The following PSMD7 variants were observed in gnomAD, a reference collection of about 807,000 sequenced individuals.
The protein encoded by PSMD7 is 26S proteasome non-ATPase regulatory subunit 7.
PSMD7 carries 13 observed loss-of-function variants against 36.4 expected under a neutral mutation model. The ratio of observed to expected loss-of-function variants is 0.36; its 90% CI spans 0.23 to 0.57. The LOEUF (loss-of-function observed/expected upper bound fraction) is 0.57, where lower values mean the gene tolerates loss of function less well. Ranked by LOEUF, PSMD7 falls within the 20% of genes least tolerant of loss-of-function variation. PSMD7 has a pLI of 0.83. For synonymous variants in PSMD7, 186 were observed against 151.0 expected (o/e 1.23, Z -1.70); for missense variants, 298 against 393.6 (o/e 0.76, Z 2.06).
chr16:74,297,538 G>A (rs1032007135), intron 1 of PSMD7, among the ~76,000 whole-genome samples: 2 of 151,924 alleles, frequency 1.3e-5, no homozygotes, highest in Non-Finnish European at 2.9e-5. Context: ...TGGGTGGGGC[G>A]GAGTGGGCTA....
intron 1 of PSMD7, chr16:74,299,606 C>G (rs1354825300): frequency 6.6e-6 from 3 of 453,580 alleles, no homozygotes; most frequent in African/African-American, 6.0e-5. Flanking sequence ...GCTGCCCATG[C>G]TCGTCTCAAA....
chr16:74,300,678 C>T (rs1785530920), intron 2 of PSMD7, among the ~76,000 whole-genome samples: 1 of 152,184 alleles, frequency 6.6e-6, no homozygotes, highest in South Asian at 2.1e-4. Context: ...TACTGGATGA[C>T]CTCTGGAGTA....
chr16:74,305,537 T>C lies in PSMD7; in HGVS notation c.779T>C (p.Val260Ala), dbSNP rs2034189019. Reference protein sequence around the residue: ...YLKTNDQMVVVYLASLIRSVV... With the variant: ...YLKTNDQMVVAYLASLIRSVV... ...AAGACCAATGACCAGATGGTGGTAG[T>C]GTACTTGGCCTCGCTGATCCGTTCC... Residue 260 changes from valine (V) to alanine (A), a missense_variant, in exon 7 of 7, where the codon GTG becomes GCG. Physicochemically the swap from Val to Ala is moderately conservative, Grantham distance 64. Coordinates refer to ENST00000219313, the MANE Select transcript of PSMD7 (RefSeq NM_002811.5). 6.2e-7 allele frequency: 1 copy of C among 1,614,040 alleles called. No individual in the cohort carries two copies. Among genetic ancestry groups the C allele is most frequent in the Non-Finnish European group, 8.5e-7 (1 of 1,179,990 alleles).
In PSMD7 at chr16:74,305,876, T is replaced by G; in HGVS notation, c.*143T>G. 1.0e-6 allele frequency: 1 copy of G among 967,384 alleles called. No homozygotes were observed. The highest frequency in any genetic ancestry group is 1.4e-6 in the Non-Finnish European group (1 of 716,618). The allele number at this position is 967,384 out of a possible 1,614,324, so 59.9% of individuals were successfully genotyped here. A position where few individuals can be genotyped will look rare whatever the true frequency, so the allele number is the denominator to read the frequency against. ...GCTCTCTGCCTCCGGTCACTCTTGCTGTGGTGCTACGTGGAAGTGAATGGA... is the reference window on the plus strand; with the variant it reads ...GCTCTCTGCCTCCGGTCACTCTTGCGGTGGTGCTACGTGGAAGTGAATGGA... On this transcript the variant is annotated 3_prime_UTR_variant, in exon 7 of 7. Transcript: ENST00000219313.
At position 74,305,456 on chromosome 16, in the gene PSMD7, T is replaced by C. The variant is rs780572957; in HGVS notation, c.698T>C (p.Val233Ala). ...NHQIIYQLQD[V>A]FNLLPDVSLQ... Reference sequence around the variant, plus strand: ...CAGATCATCTACCAGCTGCAGGACGTCTTCAACCTGCTGCCAGATGTCAGC... The same window carrying C: ...CAGATCATCTACCAGCTGCAGGACGCCTTCAACCTGCTGCCAGATGTCAGC... Residue 233 changes from valine to alanine, a missense_variant, in exon 7 of 7, where the codon GTC becomes GCC. Coordinates refer to ENST00000219313, the MANE Select transcript of PSMD7 (RefSeq NM_002811.5). 1 of 1,614,136 alleles carries C rather than the reference T, an allele frequency of 6.2e-7. No individual in the cohort carries two copies. The highest frequency in any genetic ancestry group is 8.5e-7 in the Non-Finnish European group (1 of 1,180,004).
At chr16:74,304,430 C>A in intron 6 of PSMD7, 36 bp downstream of exon 6, 2 of 1,562,140 alleles carry the variant, frequency 1.3e-6, no homozygotes, top group Non-Finnish European at 1.8e-6. Flanking sequence ...TCATTCACTG[C>A]CCGAGAGGTC....
chr16:74,297,027 G>C (rs767206181), intron 1 of PSMD7, 39 bp downstream of exon 1: 1 of 1,592,322 alleles, frequency 6.3e-7, no homozygotes, highest in Non-Finnish European at 8.6e-7. Context: ...CGGCGCAGCC[G>C]CTGCTGAGTC....
At position 74,306,262 on chromosome 16, in the gene PSMD7, G is replaced by GAT. The variant is rs1232064201; in HGVS notation, c.*531_*532dup. The GAT allele has an allele frequency of 6.6e-6, 1 of 152,630 alleles. No homozygotes were observed. Among genetic ancestry groups the GAT allele is most frequent in the Non-Finnish European group, 1.5e-5 (1 of 68,054 alleles). 9.5% of individuals were successfully genotyped at this position (152,630 alleles called of 1,614,324 possible). A position where few individuals can be genotyped will look rare whatever the true frequency, so the allele number is the denominator to read the frequency against. ...GCTCCATATATTGTTTACCTTCAAA[G>GAT]ATACAATTAAATGGCTTGATTTTTA... is the stretch of plus-strand genomic sequence containing the variant. On this transcript the variant is annotated 3_prime_UTR_variant, in exon 7 of 7. Coordinates refer to ENST00000219313, the MANE Select transcript of PSMD7 (RefSeq NM_002811.5).
chr16:74,305,808 C>A lies in PSMD7; in HGVS notation c.*75C>A. ...TAAATCAGTGTGCTGCTAGAGGGTT[C>A]TTTTTCACTTGACATGCTTATTAGA... On this transcript the variant is annotated 3_prime_UTR_variant, in exon 7 of 7. Coordinates refer to ENST00000219313, the MANE Select transcript of PSMD7 (RefSeq NM_002811.5). The A allele has an allele frequency of 7.3e-7, 1 of 1,367,562 alleles. No homozygotes were observed. Among genetic ancestry groups the A allele is most frequent in the South Asian group, 2.0e-5 (1 of 50,282 alleles). 84.7% of individuals were successfully genotyped at this position (1,367,562 alleles called of 1,614,324 possible). A position where few individuals can be genotyped will look rare whatever the true frequency, so the allele number is the denominator to read the frequency against.
At chr16:74,300,044 T>C in intron 1 of PSMD7, 71 bp from the exon 2 acceptor site, 1 of 1,299,718 alleles carries the variant, frequency 7.7e-7, no homozygotes, top group South Asian at 1.2e-5. Flanking sequence ...TATTTCCCAT[T>C]GAGTATCTTA....
Position 74,296,905 on chromosome 16 carries a change from G to C in PSMD7, c.-10G>C. ...CAGGGAGCCAGGCCTGGCGAGCGGG[G>C]TGTGTCGCGATGCCGGAGCTGGCAG... On this transcript the variant is annotated 5_prime_UTR_variant, in exon 1 of 7. Coordinates refer to ENST00000219313, the MANE Select transcript of PSMD7 (RefSeq NM_002811.5). 3 of 1,613,058 alleles carry C rather than the reference G, an allele frequency of 1.9e-6. No individual in the cohort carries two copies. The highest frequency in any genetic ancestry group is 1.1e-5 in the South Asian group (1 of 90,824).
chr16:74,299,832 A>G (rs1319816001), intron 1 of PSMD7: 7 of 493,692 alleles, frequency 1.4e-5, no homozygotes, highest in Admixed American at 1.4e-4. Flanking sequence ...GGAAGCTTTC[A>G]TTTTCTTCAT....
Position 74,301,579 on chromosome 16 carries a change from A to C in PSMD7, c.284A>C (p.Tyr95Ser). 1 of 1,613,596 alleles carries C rather than the reference A, an allele frequency of 6.2e-7. No individual in the cohort carries two copies. Among genetic ancestry groups the C allele is most frequent in the Non-Finnish European group, 8.5e-7 (1 of 1,179,554 alleles). Residue 95 changes from tyrosine (Y) to serine (S), a missense_variant, in exon 4 of 7, where the codon TAC becomes TCC. By Grantham distance (144) the Tyr-to-Ser change is moderately radical (BLOSUM62 -2). Coordinates refer to ENST00000219313, the MANE Select transcript of PSMD7 (RefSeq NM_002811.5). ...GCCAGGGAAAGAATAGTTGGCTGGTACCACACAGGCCCTAAACTACACAAG... is the reference window on the plus strand; with the variant it reads ...GCCAGGGAAAGAATAGTTGGCTGGTCCCACACAGGCCCTAAACTACACAAG... The part of the protein sequence containing the change: ...VNARERIVGW[Y>S]HTGPKLHKND...
At chr16:74,301,259 G>C (rs2034152943) in intron 3 of PSMD7, 115 bp downstream of exon 3, 3 of 714,734 alleles carry the variant, frequency 4.2e-6, no homozygotes, top group Admixed American at 5.7e-5. Context: ...ACTTCAGTAA[G>C]ACTAGTGGTA....
intron 1 of PSMD7, 92 bp from the exon 2 acceptor site, chr16:74,300,023 T>C (rs2034143156): frequency 1.2e-5 from 13 of 1,106,542 alleles, no homozygotes; most frequent in Non-Finnish European, 6.9e-6. Context: ...AAATTGTATC[T>C]GTGCCATTGA....
At chr16:74,298,271 C>T (rs888557099) in intron 1 of PSMD7, among the ~76,000 whole-genome samples, 32 of 152,074 alleles carry the variant, frequency 2.1e-4, no homozygotes, top group African/African-American at 7.5e-4. Context: ...CATCCACCAC[C>T]TCTTGGCTTT....
At chr16:74,300,016 T>C in intron 1 of PSMD7, 99 bp from the exon 2 acceptor site, 1 of 1,060,788 alleles carries the variant, frequency 9.4e-7, no homozygotes, top group Non-Finnish European at 1.5e-6. Flanking sequence ...GTAAACTAAA[T>C]TGTATCTGTG....
At chr16:74,298,406 C>T (rs2034130524) in intron 1 of PSMD7, among the ~76,000 whole-genome samples, 1 of 152,172 alleles carries the variant, frequency 6.6e-6, no homozygotes, top group Admixed American at 6.5e-5. Context: ...GCAAAGTGTC[C>T]ATTCTCCCGC....
intron 4 of PSMD7, 48 bp from the exon 5 acceptor site, chr16:74,302,164 T>A: frequency 6.7e-7 from 1 of 1,485,578 alleles, no homozygotes. Context: ...AAATTACCCC[T>A]TTTGTGCTGG....
Sources: gnomAD v4.1 joint callset for allele counts (sites outside exome capture counted in the v4.1 genomes callset) on GRCh38, gnomAD v4.1.1 for gene constraint, MANE v1.5 for transcripts, NCBI Gene and HGNC (gene_info 2026-07-23, HGNC 2026-07-21) for gene names.